PLD5: variants seen among roughly 807,000 people sequenced by gnomAD.
The protein encoded by PLD5 is phospholipase D family member 5.
In PLD5, 36 loss-of-function variants were observed where a neutral mutation model predicts 61.1. That is an observed-to-expected ratio of 0.59 (90% CI 0.45 to 0.78). PLD5 has a LOEUF of 0.78. Among genes scored for constraint, PLD5 ranks in the 30% least tolerant of loss-of-function variants. The pLI is 0.00. For synonymous variants in PLD5, 243 were observed against 242.8 expected (o/e 1.00, Z -0.01); for missense variants, 515 against 644.4 (o/e 0.80, Z 2.17).
intron 2 of PLD5, among the ~76,000 whole-genome samples, chr1:242,342,497 CA>C (rs1349513379): frequency 1.3e-5 from 2 of 152,168 alleles, no homozygotes; most frequent in East Asian, 1.9e-4. Flanking sequence ...CGAGGATGAT[CA>C]GGGGCACTAG....
chr1:242,325,571 C>T (rs1186446839), intron 2 of PLD5, among the ~76,000 whole-genome samples: 3 of 152,018 alleles, frequency 2.0e-5, no homozygotes, highest in Non-Finnish European at 4.4e-5. Context: ...GATCTCGGCT[C>T]ACTTCAACCT....
At chr1:242,529,781 T>TCCTCCCTTCCTTCCTC in the PLD5 span, among the ~76,000 whole-genome samples, 1 of 65,236 alleles carries the variant, frequency 1.5e-5, no homozygotes, top group African/African-American at 4.4e-5. Context: ...ACTGGGATCT[T>TCCTCCCTTCCTTCCTC]CCTTCCTTCC....
chr1:242,310,413 G>A (rs542962243), intron 2 of PLD5, among the ~76,000 whole-genome samples: 113 of 152,208 alleles, frequency 7.4e-4, no homozygotes, highest in African/African-American at 2.5e-3. Context: ...AACTTAGTGG[G>A]TAGTAACAGT....
At chr1:242,177,346 A>C (rs531108387) in intron 5 of PLD5, among the ~76,000 whole-genome samples, 1 of 152,146 alleles carries the variant, frequency 6.6e-6, no homozygotes, top group Non-Finnish European at 1.5e-5. Flanking sequence ...GTTCTCACTC[A>C]TAAGTGAGAG....
At chr1:242,323,124 C>A (rs956887369) in intron 2 of PLD5, among the ~76,000 whole-genome samples, 1 of 150,604 alleles carries the variant, frequency 6.6e-6, no homozygotes, top group African/African-American at 2.4e-5. Flanking sequence ...TAAATCTTCA[C>A]GAAAAAAGAA....
rs1558233108 is a variant in PLD5, at chr1:242,112,339, G to GATAGATAGATAGATAGATAGA, written c.1070+1550_1070+1551insTCTATCTATCTATCTATCTAT. Among the ~76,000 whole-genome samples, 99 of 143,422 alleles carry GATAGATAGATAGATAGATAGA rather than the reference G, an allele frequency of 6.9e-4. 2 individuals carry two copies. Among genetic ancestry groups the GATAGATAGATAGATAGATAGA allele is most frequent in the African/African-American group, 2.4e-3 (95 of 38,992 alleles). The allele number at this position is 143,422 out of a possible 152,430, so 94.1% of individuals were successfully genotyped here. On this transcript the variant is annotated intron_variant, in intron 7 of 9. Transcript: ENST00000536534. ...TGTGTGTGTGTATGTATGTATATGT[G>GATAGATAGATAGATAGATAGA]TATATATATATATAGATGGAGTCTC... is the stretch of plus-strand genomic sequence containing the variant.
chr1:242,491,449 A>G (rs1029276236), intron 1 of PLD5, among the ~76,000 whole-genome samples: 6 of 152,212 alleles, frequency 3.9e-5, no homozygotes, highest in Admixed American at 2.0e-4. Flanking sequence ...ACCACTGTCA[A>G]CCCTTTACAA....
At chr1:242,131,382 CG>C (rs1025360862) in intron 5 of PLD5, among the ~76,000 whole-genome samples, 13 of 152,046 alleles carry the variant, frequency 8.6e-5, no homozygotes, top group African/African-American at 3.1e-4. Context: ...TTTTGAAGTA[CG>C]GGGGACTTTG....
chr1:242,293,006 G>GT lies in PLD5; in HGVS notation c.327-4477dup, dbSNP rs545464469. 2.9e-3 allele frequency among the ~76,000 whole-genome samples: 444 copies of GT among 152,194 alleles called. 1 individual carries two copies. Among genetic ancestry groups the GT allele is most frequent in the Non-Finnish European group, 4.9e-3 (335 of 68,014 alleles). Reference sequence around the variant, plus strand: ...AAAGGGGTCCATGGCTAAAAAAGGGGTAAGAAGCCCTCATCAGATGGATAA... The same window carrying GT: ...AAAGGGGTCCATGGCTAAAAAAGGGGTTAAGAAGCCCTCATCAGATGGATAA... On this transcript the variant is annotated intron_variant, in intron 2 of 9. Transcript: ENST00000536534.
intron 4 of PLD5, among the ~76,000 whole-genome samples, chr1:242,220,546 T>C (rs1048563415): frequency 6.6e-6 from 1 of 152,112 alleles, no homozygotes; most frequent in Admixed American, 6.5e-5. Flanking sequence ...TTGTTCAGTA[T>C]CACAGCTCTC....
intron 4 of PLD5, among the ~76,000 whole-genome samples, chr1:242,262,537 G>C (rs1302135178): frequency 6.6e-6 from 1 of 152,312 alleles, no homozygotes; most frequent in East Asian, 1.9e-4. Flanking sequence ...CTCTTTGGTA[G>C]CTGTGTGGAA....
chr1:242,159,268 G>C (rs1665641102), intron 5 of PLD5, among the ~76,000 whole-genome samples: 1 of 152,094 alleles, frequency 6.6e-6, no homozygotes, highest in Non-Finnish European at 1.5e-5. Context: ...AGTTGGGTTT[G>C]GGATTTGTTG....
intron 5 of PLD5, chr1:242,209,330 C>A (rs552827796): frequency 6.6e-6 from 1 of 152,292 alleles, no homozygotes; most frequent in African/African-American, 2.4e-5. Flanking sequence ...GAGCACCTGA[C>A]GCGAGGTGAG....
chr1:242,498,642 A>G (rs534948644), intron 1 of PLD5, among the ~76,000 whole-genome samples: 1 of 152,222 alleles, frequency 6.6e-6, no homozygotes, highest in Non-Finnish European at 1.5e-5. Context: ...TAAAACTAAC[A>G]CTGCTGTAAT....
rs1157493559 is a variant in PLD5, at chr1:242,256,478, T to C, written c.607+8859A>G. Among the ~76,000 whole-genome samples, 1 of 152,164 alleles carries C rather than the reference T, an allele frequency of 6.6e-6. No homozygotes were observed. The highest frequency in any genetic ancestry group is 1.5e-5 in the Non-Finnish European group (1 of 68,032). On this transcript the variant is annotated intron_variant, in intron 4 of 9. Transcript: ENST00000536534. This position sits in a 1 kb window ranked among gnomAD's most constrained non-coding sequence, Gnocchi z 5.7. Reference sequence around the variant, plus strand: ...TGACTGAGTCACGAATGTATTGGTGTCTTGTAGCGGGGGTTGAAAGGAACA... The same window carrying C: ...TGACTGAGTCACGAATGTATTGGTGCCTTGTAGCGGGGGTTGAAAGGAACA...
chr1:242,341,625 T>G (rs1181466751), intron 2 of PLD5, among the ~76,000 whole-genome samples: 13 of 139,792 alleles, frequency 9.3e-5, no homozygotes, highest in African/African-American at 3.5e-4. Flanking sequence ...CAGACTTTGG[T>G]GATCTAGGAC....
intron 5 of PLD5, among the ~76,000 whole-genome samples, chr1:242,183,913 AAAAT>A (rs1021160175): frequency 2.0e-5 from 3 of 152,116 alleles, no homozygotes; most frequent in African/African-American, 7.2e-5. Flanking sequence ...TAAATAAATA[AAAAT>A]AAATAAAAGA....
chr1:242,408,963 A>T (rs954859013), intron 1 of PLD5, among the ~76,000 whole-genome samples: 1 of 152,032 alleles, frequency 6.6e-6, no homozygotes, highest in African/African-American at 2.4e-5. Flanking sequence ...GCTACTCGGG[A>T]GGCTGAGGCA....
At chr1:242,109,420 G>C (rs1176222730) in intron 7 of PLD5, among the ~76,000 whole-genome samples, 2 of 152,152 alleles carry the variant, frequency 1.3e-5, no homozygotes, top group Non-Finnish European at 2.9e-5. Context: ...GGAGGTTGCA[G>C]TGAGCCAAGA....
Sources: gnomAD v4.1 joint callset for allele counts (sites outside exome capture counted in the v4.1 genomes callset) on GRCh38, gnomAD v4.1.1 for gene constraint, Gnocchi (gnomAD v3.1) non-coding constraint, MANE v1.5 for transcripts, NCBI Gene and HGNC (gene_info 2026-07-23, HGNC 2026-07-21) for gene names.